The following USH2A variants were observed in gnomAD, a reference collection of about 807,000 sequenced individuals.
USH2A encodes the protein Usher syndrome 2A (autosomal recessive, mild).
Under a neutral mutation model 538.9 loss-of-function variants are expected in USH2A, and 443 were observed. The ratio of observed to expected loss-of-function variants is 0.82; its 90% CI spans 0.76 to 0.89. USH2A has a LOEUF of 0.89. USH2A is among the 40% of genes least tolerant of loss of function. USH2A has a pLI of 0.00. For missense variants in USH2A, 6,633 were observed against 6,324.8 expected (o/e 1.05, Z -1.65); for synonymous variants, 2,413 against 2,273.5 (o/e 1.06, Z -1.75).
chr1:215,997,947 TG>T (rs1331031023), intron 34 of USH2A, among the ~76,000 whole-genome samples: 4 of 152,092 alleles, frequency 2.6e-5, no homozygotes, highest in Non-Finnish European at 2.9e-5. Context: ...GCCCTTGTTT[TG>T]TGGTGTTAAG....
chr1:216,058,352 T>C (rs933098315), intron 30 of USH2A, among the ~76,000 whole-genome samples: 5 of 149,266 alleles, frequency 3.3e-5, no homozygotes, highest in African/African-American at 1.3e-4. Flanking sequence ...GTCTACATAA[T>C]CTTATACTTC....
At chr1:215,690,563 C>T (rs996296058) in intron 61 of USH2A, among the ~76,000 whole-genome samples, 6 of 152,094 alleles carry the variant, frequency 3.9e-5, no homozygotes, top group African/African-American at 9.7e-5. Flanking sequence ...CTCTAATGAA[C>T]AATAATAATA....
At chr1:215,978,883 A>G (rs1481178065) in intron 35 of USH2A, among the ~76,000 whole-genome samples, 1 of 152,202 alleles carries the variant, frequency 6.6e-6, no homozygotes, top group Non-Finnish European at 1.5e-5. Flanking sequence ...GGAAAATGAC[A>G]TTTGCCACTG....
intron 4 of USH2A, among the ~76,000 whole-genome samples, chr1:216,355,199 A>G (rs1424562886): frequency 6.6e-6 from 1 of 151,902 alleles, no homozygotes; most frequent in Non-Finnish European, 1.5e-5. Flanking sequence ...GCTACTCGGG[A>G]GGCTGAGGCA....
intron 62 of USH2A, among the ~76,000 whole-genome samples, chr1:215,678,487 C>A (rs773309323): frequency 2.0e-5 from 3 of 152,222 alleles, no homozygotes; most frequent in Non-Finnish European, 2.9e-5. Context: ...CATATCCTCA[C>A]ATGACTAACT....
intron 62 of USH2A, among the ~76,000 whole-genome samples, chr1:215,679,830 A>ATTAC (rs957077061): frequency 2.6e-5 from 4 of 152,336 alleles, no homozygotes; most frequent in Admixed American, 6.5e-5. Flanking sequence ...TCCCAACTCA[A>ATTAC]TTACTTACAG....
At position 216,422,076 on chromosome 1, in the gene USH2A, A is replaced by G. The variant is rs2039687358; in HGVS notation, c.261T>C (p.Asp87=). The change falls in exon 2 of 72, where the codon GAT becomes GAC. Residue 87 remains aspartate (D), a synonymous_variant. Coordinates refer to ENST00000307340, the MANE Select transcript of USH2A (RefSeq NM_206933.4). The part of the protein sequence containing the change: ...QFCTQRFCIQ[D]CPYRSSHPTY... ...TAGGGTGTGAAGATCTGTATGGGCA[A>G]TCCTGAATACAAAACCGCTGGGTAC... 6.2e-7 allele frequency: 1 copy of G among 1,613,872 alleles called. No individual in the cohort carries two copies. The highest frequency in any genetic ancestry group is 8.5e-7 in the Non-Finnish European group (1 of 1,179,902).
chr1:215,852,193 C>T (rs577609968), intron 44 of USH2A, among the ~76,000 whole-genome samples: 228 of 152,244 alleles, frequency 1.5e-3, no homozygotes, highest in African/African-American at 5.2e-3. Flanking sequence ...CTCACAGTTC[C>T]GCATGGCTGG....
intron 9 of USH2A, among the ~76,000 whole-genome samples, chr1:216,305,981 A>G (rs999798213): frequency 3.9e-5 from 6 of 152,116 alleles, no homozygotes; most frequent in Non-Finnish European, 8.8e-5. Flanking sequence ...CTTGATGACT[A>G]TGTGCCTTGG....
chr1:215,919,138 A>T (rs79835717), intron 38 of USH2A, among the ~76,000 whole-genome samples: 3,589 of 152,168 alleles, frequency 0.024, 74 homozygotes, highest in South Asian at 0.083. Flanking sequence ...TATTTAAAAA[A>T]TGATTATTAG....
intron 47 of USH2A, among the ~76,000 whole-genome samples, chr1:215,836,921 T>A (rs571168248): frequency 6.6e-6 from 1 of 152,006 alleles, no homozygotes; most frequent in South Asian, 2.1e-4. Context: ...AACGCCCATT[T>A]AATATGACTA....
chr1:215,771,956 G>A (rs1185133425), intron 55 of USH2A, among the ~76,000 whole-genome samples: 3 of 152,248 alleles, frequency 2.0e-5, no homozygotes, highest in Non-Finnish European at 4.4e-5. Context: ...CATATTGTTA[G>A]AGGACTGGAT....
At chr1:215,795,843 C>T (rs75671695) in intron 50 of USH2A, among the ~76,000 whole-genome samples, 1,632 of 152,218 alleles carry the variant, frequency 0.011, 23 homozygotes, top group African/African-American at 0.037. Context: ...TCCTTTTATA[C>T]GCTTACGAAT....
At chr1:216,349,782 C>T (rs2038244362) in intron 4 of USH2A, among the ~76,000 whole-genome samples, 1 of 152,212 alleles carries the variant, frequency 6.6e-6, no homozygotes, top group African/African-American at 2.4e-5. Context: ...GTCCTTGGGG[C>T]TGCTCTGCCT....
intron 47 of USH2A, among the ~76,000 whole-genome samples, chr1:215,818,523 T>G (rs1662922352): frequency 2.0e-5 from 3 of 151,844 alleles, no homozygotes; most frequent in Non-Finnish European, 2.9e-5. Flanking sequence ...AAAGAAAATG[T>G]TTGATTTTAA....
chr1:215,662,591 A>G lies in USH2A; in HGVS notation c.14133+8381T>C, dbSNP rs145850394. Among the ~76,000 whole-genome samples the G allele has an allele frequency of 5.7e-3, 861 of 152,364 alleles. 11 individuals carry two copies. Among genetic ancestry groups the G allele is most frequent in the South Asian group, 0.018 (89 of 4,830 alleles). On this transcript the variant is annotated intron_variant, in intron 64 of 71. Transcript: ENST00000307340. ...GGGAACAAAAGGCTCGATGCAAAAAATGATCAGGCCCTGGGCCTAGTGGCG... is the reference window on the plus strand; with the variant it reads ...GGGAACAAAAGGCTCGATGCAAAAAGTGATCAGGCCCTGGGCCTAGTGGCG...
intron 30 of USH2A, among the ~76,000 whole-genome samples, chr1:216,065,121 C>T (rs2102541307): frequency 6.6e-6 from 1 of 152,242 alleles, no homozygotes; most frequent in Admixed American, 6.5e-5. Flanking sequence ...TTTCTTCTCC[C>T]TATACATCAC....
chr1:216,348,816 G>T (rs2102687734), intron 4 of USH2A, among the ~76,000 whole-genome samples: 1 of 152,050 alleles, frequency 6.6e-6, no homozygotes, highest in Middle Eastern at 3.4e-3. Context: ...AATTTAGACA[G>T]ACTCTGCTTA....
At chr1:215,802,869 G>T (rs1662378710) in intron 49 of USH2A, among the ~76,000 whole-genome samples, 1 of 152,028 alleles carries the variant, frequency 6.6e-6, no homozygotes, top group East Asian at 1.9e-4. Flanking sequence ...TAACCCCAAT[G>T]TCCGCTGATG....
Sources: allele counts gnomAD v4.1 joint callset (sites outside exome capture counted in the v4.1 genomes callset), GRCh38; gene constraint gnomAD v4.1.1; transcripts MANE v1.5; gene names NCBI Gene and HGNC (gene_info 2026-07-23, HGNC 2026-07-21).